Variants in CCDC91 observed in about 807,000 individuals in gnomAD.
The protein encoded by CCDC91 is coiled-coil domain containing 91, also known as coiled-coil domain-containing protein 91.
Under a neutral mutation model 63.2 loss-of-function variants are expected in CCDC91, and 48 were observed. The observed-to-expected ratio is 0.76, with a 90% CI of 0.60 to 0.97. CCDC91 has a LOEUF of 0.97. Among genes scored for constraint, CCDC91 ranks in the 50% least tolerant of loss-of-function variants. The pLI is 0.00. For missense variants in CCDC91, 500 were observed against 494.6 expected, an observed-to-expected ratio of 1.01 and a Z score of -0.10; for synonymous variants, 167 against 165.8, an observed-to-expected ratio of 1.01 and a Z score of -0.06.
intron 11 of CCDC91, among the ~76,000 whole-genome samples, chr12:28,475,769 C>G (rs968767351): frequency 6.6e-5 from 10 of 151,974 alleles, no homozygotes; most frequent in Non-Finnish European, 1.5e-4. Flanking sequence ...CAGATGTGGC[C>G]CTTGGTCTTC....
chr12:28,548,799 A>G (rs1565557657), intron 12 of CCDC91, among the ~76,000 whole-genome samples: 1 of 152,112 alleles, frequency 6.6e-6, no homozygotes, highest in Non-Finnish European at 1.5e-5. Flanking sequence ...TGTTTTCTGA[A>G]ATCATTCTGA....
At chr12:28,480,186 C>T (rs1951368327) in intron 11 of CCDC91, among the ~76,000 whole-genome samples, 1 of 151,934 alleles carries the variant, frequency 6.6e-6, no homozygotes, top group Non-Finnish European at 1.5e-5. Context: ...AAATAACATT[C>T]AACATGAGCT....
At chr12:28,427,772 G>C (rs989598021) in intron 8 of CCDC91, among the ~76,000 whole-genome samples, 2 of 152,104 alleles carry the variant, frequency 1.3e-5, no homozygotes, top group African/African-American at 4.8e-5. Context: ...TTTTTTTCTT[G>C]TTGTAAGGAT....
At chr12:28,538,766 C>T (rs993837109) in intron 12 of CCDC91, among the ~76,000 whole-genome samples, 3 of 151,986 alleles carry the variant, frequency 2.0e-5, no homozygotes, top group African/African-American at 7.2e-5. Flanking sequence ...TCTCCAGCAC[C>T]TCTTGTTTCC....
At chr12:28,420,116 A>G (rs1052624763) in intron 8 of CCDC91, among the ~76,000 whole-genome samples, 7 of 152,144 alleles carry the variant, frequency 4.6e-5, no homozygotes, top group Non-Finnish European at 1.0e-4. Context: ...TCAGTTATTC[A>G]GTAAAATTTA....
In CCDC91 at chr12:28,324,678, A is replaced by AAAT. The variant is rs143575022; in HGVS notation, c.576+16946_576+16948dup. 0.016 allele frequency among the ~76,000 whole-genome samples: 2,393 copies of AAAT among 151,630 alleles called. 178 individuals are homozygous for AAAT. In the East Asian group the frequency reaches 0.24, roughly 15 times the overall value. ...CAAGGTTTCATTTTCCTTACTTGTAAAATAATAATAATAATAATACTTCCT... is the reference window on the plus strand; with the variant it reads ...CAAGGTTTCATTTTCCTTACTTGTAAAATAATAATAATAATAATAATACTTCCT... On this transcript the variant is annotated intron_variant, in intron 6 of 12. Transcript: ENST00000536442.
At chr12:28,544,490 A>T (rs747880676) in intron 12 of CCDC91, among the ~76,000 whole-genome samples, 21 of 151,966 alleles carry the variant, frequency 1.4e-4, no homozygotes, top group Admixed American at 7.9e-4. Flanking sequence ...AATATGTAGG[A>T]GTGTAAGTTG....
chr12:28,321,495 T>C (rs1353026720), intron 6 of CCDC91, among the ~76,000 whole-genome samples: 3 of 151,926 alleles, frequency 2.0e-5, no homozygotes, highest in Non-Finnish European at 4.4e-5. Flanking sequence ...ACATTGATGC[T>C]CTCATCCCCA....
intron 1 of CCDC91, among the ~76,000 whole-genome samples, chr12:28,214,387 C>T (rs1486454349): frequency 1.3e-5 from 2 of 152,038 alleles, no homozygotes; most frequent in Non-Finnish European, 2.9e-5. Flanking sequence ...AGCAGGAGTA[C>T]TATGATCCAG....
intron 8 of CCDC91, among the ~76,000 whole-genome samples, chr12:28,398,262 A>T (rs563269823): frequency 1.3e-5 from 2 of 152,092 alleles, no homozygotes; most frequent in Non-Finnish European, 2.9e-5. Flanking sequence ...CTGTTATTTC[A>T]TATAGAATGA....
intron 3 of CCDC91, chr12:28,268,672 C>T (rs1334179596): frequency 3.0e-6 from 3 of 985,068 alleles, no homozygotes; most frequent in Non-Finnish European, 3.6e-6. Context: ...GAGCAAGCCC[C>T]GTGTCTGAAT....
intron 1 of CCDC91, among the ~76,000 whole-genome samples, chr12:28,223,225 C>A (rs555371836): frequency 6.6e-6 from 1 of 152,050 alleles, no homozygotes; most frequent in Non-Finnish European, 1.5e-5. Context: ...TCTTATCTCT[C>A]GTAGGGACAA....
At chr12:28,239,860 A>C (rs994005892) in intron 1 of CCDC91, among the ~76,000 whole-genome samples, 8 of 152,168 alleles carry the variant, frequency 5.3e-5, no homozygotes, top group Non-Finnish European at 1.2e-4. Flanking sequence ...GATAAAATGA[A>C]AACAGTGTGG....
At chr12:28,297,386 C>G (rs1949619716) in intron 3 of CCDC91, among the ~76,000 whole-genome samples, 1 of 151,836 alleles carries the variant, frequency 6.6e-6, no homozygotes, top group African/African-American at 2.4e-5. Context: ...TAGAAGAGAT[C>G]TGTCAATGAA....
intron 12 of CCDC91, among the ~76,000 whole-genome samples, chr12:28,530,737 A>G (rs767698738): frequency 2.6e-5 from 4 of 152,160 alleles, no homozygotes; most frequent in Non-Finnish European, 5.9e-5. Flanking sequence ...TGCACAAAGA[A>G]GAGTAACCAG....
At chr12:28,411,073 TC>T (rs1181513280) in intron 8 of CCDC91, among the ~76,000 whole-genome samples, 1 of 152,166 alleles carries the variant, frequency 6.6e-6, no homozygotes, top group Admixed American at 6.5e-5. Context: ...GAAGGACAGT[TC>T]CTACTGTGTG....
chr12:28,326,092 T>C (rs1940970442), intron 6 of CCDC91, among the ~76,000 whole-genome samples: 1 of 152,122 alleles, frequency 6.6e-6, no homozygotes, highest in African/African-American at 2.4e-5. Context: ...AAAAAAAGTT[T>C]TTTTGTCTAA....
chr12:28,427,423 G>A (rs867196070), intron 8 of CCDC91, among the ~76,000 whole-genome samples: 4 of 152,064 alleles, frequency 2.6e-5, no homozygotes, highest in Admixed American at 2.0e-4. Context: ...GTGCATTACA[G>A]GGAGATACTG....
Position 28,251,536 on chromosome 12 carries a change from A to G in CCDC91, c.-14-5666A>G, listed in dbSNP as rs1471166595. Among the ~76,000 whole-genome samples, 3 of 152,178 alleles carry G rather than the reference A, an allele frequency of 2.0e-5. No individual in the cohort carries two copies. The East Asian group carries it at 5.8e-4, about 29-fold the overall frequency. On this transcript the variant is annotated intron_variant, in intron 1 of 12. Transcript: ENST00000536442. ...AGAACTAATAGGTAGCTGGCTCATC[A>G]TGCCATGTTGTTTTTTTGTGCTCAT...
Sources: gnomAD v4.1 joint callset for allele counts (sites outside exome capture counted in the v4.1 genomes callset) on GRCh38, gnomAD v4.1.1 for gene constraint, MANE v1.5 for transcripts, NCBI Gene and HGNC (gene_info 2026-07-23, HGNC 2026-07-21) for gene names.